Variants in ITGA9 observed in about 807,000 individuals in gnomAD.
ITGA9 encodes integrin alpha-9.
Under a neutral mutation model 127.8 loss-of-function variants are expected in ITGA9, and 56 were observed. The observed-to-expected ratio is 0.44, with a 90% CI of 0.35 to 0.55. The LOEUF is 0.55. Ranked by LOEUF, ITGA9 falls within the 20% of genes least tolerant of loss-of-function variation. The pLI, the probability that ITGA9 is intolerant of heterozygous loss-of-function variation, is 0.00. For missense variants in ITGA9, 1,196 were observed against 1,347.1 expected (o/e 0.89, Z 1.76); for synonymous variants, 508 against 514.5 (o/e 0.99, Z 0.17).
At chr3:37,737,461 A>C (rs1461516320) in intron 20 of ITGA9, among the ~76,000 whole-genome samples, 2 of 152,170 alleles carry the variant, frequency 1.3e-5, no homozygotes, top group African/African-American at 2.4e-5. Context: ...GATGCTACTC[A>C]AGAGAGGGCT....
intron 18 of ITGA9, among the ~76,000 whole-genome samples, chr3:37,730,636 G>A (rs1696279342): frequency 6.6e-6 from 1 of 152,188 alleles, no homozygotes; most frequent in African/African-American, 2.4e-5. Flanking sequence ...TCTCAGATAT[G>A]TTCTCTCAGT....
rs761249048 is a variant in ITGA9, at chr3:37,777,496, A to G, written c.2646A>G (p.Thr882=). 3 of 1,614,184 alleles carry G rather than the reference A, an allele frequency of 1.9e-6. No homozygotes were observed. The highest frequency in any genetic ancestry group is 2.2e-5 in the South Asian group (2 of 91,080). Residue 882 remains threonine (T), a synonymous_variant, in exon 24 of 28, where the codon ACA becomes ACG. Coordinates refer to ENST00000264741, the MANE Select transcript of ITGA9 (RefSeq NM_002207.3). ...TCCACACAATATTTGCTTTTTTCACAAAGTCTGGAAGAAAAGTCTTGGTAA... is the reference window on the plus strand; with the variant it reads ...TCCACACAATATTTGCTTTTTTCACGAAGTCTGGAAGAAAAGTCTTGGTAA... ...NIFHTIFAFF[T]KSGRKVLDCE... is the part of the protein sequence containing the mutation.
chr3:37,677,536 C>G (rs1251411262), intron 17 of ITGA9, among the ~76,000 whole-genome samples: 1 of 152,160 alleles, frequency 6.6e-6, no homozygotes, highest in Non-Finnish European at 1.5e-5. Context: ...ATTCTAAATG[C>G]TAAGGAAATA....
At chr3:37,568,412 T>C (rs1325369360) in intron 15 of ITGA9, among the ~76,000 whole-genome samples, 1 of 152,202 alleles carries the variant, frequency 6.6e-6, no homozygotes, top group Non-Finnish European at 1.5e-5. Context: ...ATTTTCCCCA[T>C]TGTCATGGCG....
chr3:37,487,038 C>T (rs761648760), intron 4 of ITGA9, among the ~76,000 whole-genome samples: 17 of 152,034 alleles, frequency 1.1e-4, no homozygotes, highest in Non-Finnish European at 2.4e-4. Flanking sequence ...TAAAAATCAA[C>T]GAAGGTCCAT....
intron 15 of ITGA9, among the ~76,000 whole-genome samples, chr3:37,544,663 G>A (rs564945796): frequency 1.3e-4 from 20 of 151,250 alleles, no homozygotes; most frequent in Admixed American, 3.3e-4. Context: ...AGACCTTGAC[G>A]TGATTATTTT....
intron 15 of ITGA9, among the ~76,000 whole-genome samples, chr3:37,598,367 G>T (rs1699887602): frequency 6.6e-6 from 1 of 152,298 alleles, no homozygotes; most frequent in African/African-American, 2.4e-5. Context: ...TGGGGGAGGG[G>T]ATGGTGCCAG....
At chr3:37,695,707 C>G (rs1485424807) in intron 18 of ITGA9, among the ~76,000 whole-genome samples, 4 of 152,212 alleles carry the variant, frequency 2.6e-5, no homozygotes, top group Non-Finnish European at 5.9e-5. Context: ...CTGAGCATAA[C>G]TAGTGAGCCT....
At chr3:37,787,590 A>G (rs983462421) in intron 26 of ITGA9, among the ~76,000 whole-genome samples, 4 of 152,118 alleles carry the variant, frequency 2.6e-5, no homozygotes, top group South Asian at 2.1e-4. Flanking sequence ...ATGAGCTACA[A>G]TGAAGTTCTA....
chr3:37,817,461 G>T (rs1308570708), intron 27 of ITGA9, among the ~76,000 whole-genome samples: 1 of 152,202 alleles, frequency 6.6e-6, no homozygotes, highest in Non-Finnish European at 1.5e-5. Flanking sequence ...CTGTTGGAGA[G>T]CAGGGAAGGA....
intron 6 of ITGA9, 89 bp downstream of exon 6, chr3:37,503,396 A>C: frequency 6.7e-7 from 1 of 1,493,480 alleles, no homozygotes; most frequent in Non-Finnish European, 9.2e-7. Flanking sequence ...TGTTGGAAAG[A>C]GGAGTTAGTT....
intron 17 of ITGA9, among the ~76,000 whole-genome samples, chr3:37,668,718 G>A (rs1206728494): frequency 1.3e-5 from 2 of 152,142 alleles, no homozygotes; most frequent in Non-Finnish European, 2.9e-5. Flanking sequence ...TTGTTGTCCT[G>A]CACACACCCT....
intron 13 of ITGA9, among the ~76,000 whole-genome samples, chr3:37,530,826 A>G (rs1699143848): frequency 7.3e-6 from 1 of 137,152 alleles, no homozygotes. Context: ...ATCTTGGCTC[A>G]CTGCAAGCTC....
At chr3:37,662,838 C>T (rs190806217) in intron 17 of ITGA9, among the ~76,000 whole-genome samples, 182 of 152,180 alleles carry the variant, frequency 1.2e-3, no homozygotes, top group African/African-American at 4.3e-3. Context: ...GACAGTTGGT[C>T]CATGGTGTTG....
Position 37,629,109 on chromosome 3 carries a change from G to GA in ITGA9, c.1690-78_1690-77insA. 1 of 1,525,288 alleles carries GA rather than the reference G, an allele frequency of 6.6e-7. No individual in the cohort carries two copies. The highest frequency in any genetic ancestry group is 9.1e-7 in the Non-Finnish European group (1 of 1,101,270). The allele number at this position is 1,525,288 out of a possible 1,614,324, so 94.5% of individuals were successfully genotyped here. On this transcript the variant is annotated intron_variant, in intron 15 of 27. Coordinates refer to ENST00000264741, the MANE Select transcript of ITGA9 (RefSeq NM_002207.3). This position sits in a 1 kb window ranked among gnomAD's most constrained non-coding sequence, Gnocchi z 4.5. ...TTATATGAGGCAATTCATGTAGAAG[G>GA]TCTTTGTAAACTGTGAAATGCTCTA... is the stretch of plus-strand genomic sequence containing the variant.
intron 16 of ITGA9, among the ~76,000 whole-genome samples, chr3:37,641,607 T>G (rs1324895732): frequency 6.6e-6 from 1 of 152,150 alleles, no homozygotes. Context: ...CACCATCATT[T>G]GTCACCTAGA....
chr3:37,750,416 C>A, intron 22 of ITGA9, 46 bp from the exon 23 acceptor site: 1 of 1,083,726 alleles, frequency 9.2e-7, no homozygotes, highest in South Asian at 1.2e-5. Context: ...AAATGGAGGT[C>A]TGCTATTTTC....
At chr3:37,541,887 G>A (rs1301134805) in intron 14 of ITGA9, among the ~76,000 whole-genome samples, 2 of 152,146 alleles carry the variant, frequency 1.3e-5, no homozygotes, top group East Asian at 1.9e-4. Flanking sequence ...AAACGATGGC[G>A]GGCACATGGT....
At chr3:37,479,079 G>T (rs1698524386) in intron 3 of ITGA9, among the ~76,000 whole-genome samples, 1 of 152,114 alleles carries the variant, frequency 6.6e-6, no homozygotes, top group African/African-American at 2.4e-5. Context: ...CAAGGGCTTT[G>T]CTAAGTCCAA....
Sources: gnomAD v4.1 joint callset for allele counts (sites outside exome capture counted in the v4.1 genomes callset) on GRCh38, gnomAD v4.1.1 for gene constraint, Gnocchi (gnomAD v3.1) non-coding constraint, MANE v1.5 for transcripts, NCBI Gene and HGNC (gene_info 2026-07-23, HGNC 2026-07-21) for gene names.